LRRC7: variants seen among roughly 807,000 people sequenced by gnomAD.
LRRC7 encodes leucine rich repeat containing 7, also known as leucine-rich repeat-containing protein 7.
LRRC7 carries 23 observed loss-of-function variants against 175.7 expected under a neutral mutation model. That is an observed-to-expected ratio of 0.13 (90% CI 0.09 to 0.19). The LOEUF is 0.19. LRRC7 is among the 10% of genes least tolerant of loss of function. The pLI is 1.00. For synonymous variants in LRRC7, 685 were observed against 680.9 expected, an observed-to-expected ratio of 1.01 and a Z score of -0.09; for missense variants, 1,354 against 1,904.7, an observed-to-expected ratio of 0.71 and a Z score of 5.38.
At chr1:69,631,803 G>A (rs1652547300) in intron 1 of LRRC7, among the ~76,000 whole-genome samples, 1 of 152,052 alleles carries the variant, frequency 6.6e-6, no homozygotes, top group Non-Finnish European at 1.5e-5. Context: ...CTAGCTGGCT[G>A]CTTGATAAAC....
intron 25 of LRRC7, among the ~76,000 whole-genome samples, chr1:70,107,200 A>G (rs1463227297): frequency 6.6e-6 from 1 of 152,214 alleles, no homozygotes; most frequent in African/African-American, 2.4e-5. Flanking sequence ...TTTAAAATGC[A>G]TGTTCCAGTT....
In LRRC7 at chr1:69,759,145, T is replaced by A. The variant is rs372182043; in HGVS notation, c.101-1046T>A. On this transcript the variant is annotated intron_variant, in intron 2 of 26. Coordinates refer to ENST00000651989, the MANE Select transcript of LRRC7 (RefSeq NM_001370785.2). ...TTTCCTAGGAAGACATTCACAGAGATAGTGACCTTTTCGTTAAAATAAGTT... is the reference window on the plus strand; with the variant it reads ...TTTCCTAGGAAGACATTCACAGAGAAAGTGACCTTTTCGTTAAAATAAGTT... Among the ~76,000 whole-genome samples the A allele has an allele frequency of 2.4e-4, 37 of 152,080 alleles. No individual in the cohort carries two copies. The East Asian group carries it at 5.4e-3, about 22-fold the overall frequency.
intron 11 of LRRC7, among the ~76,000 whole-genome samples, chr1:70,010,691 A>G (rs1049536925): frequency 6.6e-6 from 1 of 152,240 alleles, no homozygotes; most frequent in East Asian, 1.9e-4. Context: ...ATAGCAATAT[A>G]ATAGGAATAG....
intron 1 of LRRC7, among the ~76,000 whole-genome samples, chr1:69,623,384 G>A (rs1309110821): frequency 1.3e-5 from 2 of 151,410 alleles, no homozygotes; most frequent in African/African-American, 4.9e-5. Context: ...TCAACTGAGA[G>A]AAAATGAACA....
At chr1:69,709,115 C>A (rs1289622056) in intron 2 of LRRC7, among the ~76,000 whole-genome samples, 1 of 152,194 alleles carries the variant, frequency 6.6e-6, no homozygotes, top group Non-Finnish European at 1.5e-5. Flanking sequence ...CTGTCTTGCT[C>A]ATGAAACTTT....
chr1:70,027,260 A>G (rs192843194), intron 17 of LRRC7, among the ~76,000 whole-genome samples: 6 of 152,298 alleles, frequency 3.9e-5, no homozygotes, highest in Non-Finnish European at 8.8e-5. Context: ...TTTAATTTGC[A>G]TGCACAACTT....
chr1:69,989,486 T>A (rs1247882523), intron 10 of LRRC7, among the ~76,000 whole-genome samples: 1 of 151,994 alleles, frequency 6.6e-6, no homozygotes, highest in Non-Finnish European at 1.5e-5. Context: ...ACAGCTATAA[T>A]GAAGAAAGTA....
intron 8 of LRRC7, among the ~76,000 whole-genome samples, chr1:69,940,504 A>G (rs1209497045): frequency 2.0e-5 from 3 of 152,064 alleles, no homozygotes; most frequent in Non-Finnish European, 4.4e-5. Context: ...AACGGTTTCT[A>G]CCAGAGAAAT....
At chr1:69,608,866 C>CTATATATATA (rs200475842) in intron 1 of LRRC7, among the ~76,000 whole-genome samples, 3 of 41,172 alleles carry the variant, frequency 7.3e-5, no homozygotes, top group African/African-American at 1.2e-4. Flanking sequence ...CTCTCTCTCT[C>CTATATATATA]TATATATATA....
At chr1:70,043,247 T>G (rs1384654807) in intron 21 of LRRC7, among the ~76,000 whole-genome samples, 1 of 152,184 alleles carries the variant, frequency 6.6e-6, no homozygotes, top group Non-Finnish European at 1.5e-5. Context: ...AATAAATCAA[T>G]AAATTATAAT....
chr1:70,016,161 C>T (rs1216332057), intron 13 of LRRC7, among the ~76,000 whole-genome samples: 2 of 152,240 alleles, frequency 1.3e-5, no homozygotes, highest in Admixed American at 1.3e-4. Context: ...AGCCAGTTGT[C>T]CTGACGGGAC....
At chr1:69,877,466 A>C (rs1686144884) in intron 7 of LRRC7, among the ~76,000 whole-genome samples, 1 of 152,158 alleles carries the variant, frequency 6.6e-6, no homozygotes, top group Non-Finnish European at 1.5e-5. Context: ...AGCTACTTAG[A>C]CAATTCTTTT....
chr1:69,910,979 G>T (rs1014131700), intron 7 of LRRC7, among the ~76,000 whole-genome samples: 1 of 152,294 alleles, frequency 6.6e-6, no homozygotes, highest in East Asian at 1.9e-4. Flanking sequence ...GGGAGACTCC[G>T]TGGGCATAGG....
chr1:70,064,948 TA>T (rs1661859459), intron 23 of LRRC7, among the ~76,000 whole-genome samples: 1 of 151,958 alleles, frequency 6.6e-6, no homozygotes, highest in Admixed American at 6.6e-5. Flanking sequence ...ATATTGAATT[TA>T]GTTCATTTTG....
intron 5 of LRRC7, among the ~76,000 whole-genome samples, chr1:69,828,808 A>G (rs759225924): frequency 1.3e-5 from 2 of 152,032 alleles, no homozygotes; most frequent in Non-Finnish European, 2.9e-5. Context: ...AGAAACTTCT[A>G]CGTTGTGTTC....
At chr1:69,822,073 CTT>C (rs901061472) in intron 4 of LRRC7, among the ~76,000 whole-genome samples, 12 of 152,294 alleles carry the variant, frequency 7.9e-5, no homozygotes, top group African/African-American at 2.4e-4. Flanking sequence ...GATTCTGAGT[CTT>C]TCTCAGACTT....
intron 11 of LRRC7, among the ~76,000 whole-genome samples, chr1:69,996,223 G>A (rs1416469607): frequency 2.0e-5 from 3 of 151,984 alleles, no homozygotes; most frequent in Non-Finnish European, 2.9e-5. Flanking sequence ...GTCTGTTCAT[G>A]TCCTTCGCCC....
intron 7 of LRRC7, among the ~76,000 whole-genome samples, chr1:69,851,557 A>G (rs964135534): frequency 2.6e-5 from 4 of 152,146 alleles, no homozygotes; most frequent in African/African-American, 9.7e-5. Context: ...CTAACATGGA[A>G]ACACTGGTGG....
At chr1:69,853,169 CT>C (rs1055205063) in intron 7 of LRRC7, among the ~76,000 whole-genome samples, 30 of 150,790 alleles carry the variant, frequency 2.0e-4, no homozygotes, top group South Asian at 6.3e-4. Flanking sequence ...TATGATTTAT[CT>C]AAAATTATAA....
Sources: gnomAD v4.1 joint callset for allele counts (sites outside exome capture counted in the v4.1 genomes callset) on GRCh38, gnomAD v4.1.1 for gene constraint, MANE v1.5 for transcripts, NCBI Gene and HGNC (gene_info 2026-07-23, HGNC 2026-07-21) for gene names.